The following MZT1 variants were observed in gnomAD, a reference collection of about 807,000 sequenced individuals.
The protein encoded by MZT1 is mitotic spindle organizing protein 1.
Under a neutral mutation model 8.5 loss-of-function variants are expected in MZT1, and 8 were observed. That is an observed-to-expected ratio of 0.94 (90% CI 0.55 to 1.70). MZT1 has a LOEUF of 1.70. Among genes scored for constraint, MZT1 ranks in the 40% most tolerant of loss-of-function variants. MZT1 has a pLI of 0.00. For synonymous variants in MZT1, 38 were observed against 42.0 expected, an observed-to-expected ratio of 0.90 and a Z score of 0.37; for missense variants, 93 against 108.6, an observed-to-expected ratio of 0.86 and a Z score of 0.64.
rs193107962 is a variant in MZT1 at position 72,717,775 on chromosome 13, G to A, written c.225+1177C>T. Among the ~76,000 whole-genome samples, 90 of 152,132 alleles carry A rather than the reference G, an allele frequency of 5.9e-4. No homozygotes were observed. In the East Asian group the frequency reaches 9.6e-3, roughly 16 times the overall value. ...ACATTCTGATCCTAATGTTAGTCTC[G>A]AAAAAACTCTGAAGCTTTCTCTACA... On this transcript the variant is annotated intron_variant, in intron 2 of 2. Coordinates refer to ENST00000377818, the MANE Select transcript of MZT1 (RefSeq NM_001071775.3).
chr13:72,726,030 A>C (rs573485801), intron 1 of MZT1, among the ~76,000 whole-genome samples: 48 of 152,160 alleles, frequency 3.2e-4, no homozygotes, highest in Non-Finnish European at 4.6e-4. Context: ...CAAGGTAGAT[A>C]CTGAACAAGT....
chr13:72,723,726 T>C (rs974222174), intron 1 of MZT1, among the ~76,000 whole-genome samples: 3 of 152,262 alleles, frequency 2.0e-5, no homozygotes, highest in African/African-American at 7.2e-5. Flanking sequence ...ATGTATTTTG[T>C]GCCTATTATG....
intron 2 of MZT1, among the ~76,000 whole-genome samples, chr13:72,711,850 T>C (rs2138005837): frequency 6.6e-6 from 1 of 152,252 alleles, no homozygotes; most frequent in South Asian, 2.1e-4. Context: ...TCCCCAACTC[T>C]GTCCCAAATG....
chr13:72,727,002 G>A (rs1015076516), intron 1 of MZT1, among the ~76,000 whole-genome samples: 2 of 152,200 alleles, frequency 1.3e-5, no homozygotes, highest in African/African-American at 2.4e-5. Flanking sequence ...TGACCAAAGG[G>A]GAACTTGTTC....
At chr13:72,726,807 A>C (rs1468408466) in intron 1 of MZT1, among the ~76,000 whole-genome samples, 2 of 150,782 alleles carry the variant, frequency 1.3e-5, no homozygotes, top group African/African-American at 2.4e-5. Flanking sequence ...CAAGCTCACC[A>C]CAGGGGCATA....
At chr13:72,715,854 G>A (rs2032530202) in intron 2 of MZT1, among the ~76,000 whole-genome samples, 1 of 152,016 alleles carries the variant, frequency 6.6e-6, no homozygotes, top group African/African-American at 2.4e-5. Flanking sequence ...TTTCTATACA[G>A]CCTGCAGAAC....
chr13:72,709,190 A>C lies in MZT1; in HGVS notation c.*1132T>G, dbSNP rs2032462731. 6.6e-6 allele frequency: 1 copy of C among 151,998 alleles called. No homozygotes were observed. Among genetic ancestry groups the C allele is most frequent in the African/African-American group, 2.4e-5 (1 of 41,460 alleles). The allele number at this position is 151,998 out of a possible 1,614,324, so 9.4% of individuals were successfully genotyped here. On this transcript the variant is annotated 3_prime_UTR_variant, in exon 3 of 3. Transcript: ENST00000377818. ...AATCCTTGACATCAAGATGTTAAAAAGGTTTTTTAAAAAAAGCCATACTTG... is the reference window on the plus strand; with the variant it reads ...AATCCTTGACATCAAGATGTTAAAACGGTTTTTTAAAAAAAGCCATACTTG...
Position 72,727,604 on chromosome 13 carries a change from G to A in MZT1, c.-2C>T. 1.9e-6 allele frequency: 3 copies of A among 1,595,192 alleles called. No homozygotes were observed. The highest frequency in any genetic ancestry group is 1.1e-5 in the South Asian group (1 of 89,192). ...CCCAGCACCGCTGCTACTCGCCATG[G>A]CTAAGGCCGAGGGAGGCGGGAGAAG... On this transcript the variant is annotated 5_prime_UTR_variant, in exon 1 of 3. Coordinates refer to ENST00000377818, the MANE Select transcript of MZT1 (RefSeq NM_001071775.3).
chr13:72,716,657 G>T (rs1448421063), intron 2 of MZT1, among the ~76,000 whole-genome samples: 2 of 152,150 alleles, frequency 1.3e-5, no homozygotes, highest in Non-Finnish European at 2.9e-5. Flanking sequence ...CAAGTTTTAA[G>T]ATGAACTAAC....
At chr13:72,713,902 G>A (rs1475034502) in intron 2 of MZT1, among the ~76,000 whole-genome samples, 1 of 152,142 alleles carries the variant, frequency 6.6e-6, no homozygotes, top group African/African-American at 2.4e-5. Flanking sequence ...TAGAACATAC[G>A]GTCTGGCATG....
At chr13:72,723,474 C>T (rs2032609365) in intron 1 of MZT1, among the ~76,000 whole-genome samples, 2 of 152,160 alleles carry the variant, frequency 1.3e-5, no homozygotes, top group Admixed American at 6.5e-5. Context: ...TATAATGGAT[C>T]AAAGTCAAAA....
chr13:72,724,752 A>ATCTGTGTGTG (rs1180726488), intron 1 of MZT1, among the ~76,000 whole-genome samples: 1 of 56,892 alleles, frequency 1.8e-5, no homozygotes, highest in Non-Finnish European at 3.7e-5. Context: ...ACATATATAT[A>ATCTGTGTGTG]TGTAAAGTGG....
intron 2 of MZT1, among the ~76,000 whole-genome samples, chr13:72,717,363 G>A (rs1433387866): frequency 6.9e-6 from 1 of 144,034 alleles, no homozygotes; most frequent in Admixed American, 7.0e-5. Flanking sequence ...TTTTTAGATG[G>A]AGTTTCGCTC....
At chr13:72,718,573 G>C (rs183698376) in intron 2 of MZT1, among the ~76,000 whole-genome samples, 334 of 152,094 alleles carry the variant, frequency 2.2e-3, no homozygotes, top group Non-Finnish European at 4.1e-3. Flanking sequence ...CGCCTCCTGG[G>C]TTCACGCCAT....
At chr13:72,718,902 T>C (rs779028023) in intron 2 of MZT1, 50 bp downstream of exon 2, 9 of 1,496,072 alleles carry the variant, frequency 6.0e-6, no homozygotes, top group Non-Finnish European at 8.0e-6. Context: ...TTAATCATTT[T>C]TCTAAATAAA....
chr13:72,710,284 C>T lies in MZT1; in HGVS notation c.*38G>A. 6.2e-7 allele frequency: 1 copy of T among 1,608,774 alleles called. No individual in the cohort carries two copies. The highest frequency in any genetic ancestry group is 2.2e-5 in the East Asian group (1 of 44,752). On this transcript the variant is annotated 3_prime_UTR_variant, in exon 3 of 3. Transcript: ENST00000377818. ...ACAATGCAATCTTCAAACCCTCTTG[C>T]AGAGCTTGACATATCTCATCAGAAT... is the stretch of plus-strand genomic sequence containing the variant.
chr13:72,713,509 G>A (rs1203387552), intron 2 of MZT1, among the ~76,000 whole-genome samples: 1 of 152,108 alleles, frequency 6.6e-6, no homozygotes, highest in Non-Finnish European at 1.5e-5. Flanking sequence ...CTCTGGATTC[G>A]TTGTGATACC....
rs1593801072 is a variant in MZT1 at position 72,727,280 on chromosome 13, G to C, written c.79+244C>G. On this transcript the variant is annotated intron_variant, in intron 1 of 2. Coordinates refer to ENST00000377818, the MANE Select transcript of MZT1 (RefSeq NM_001071775.3). ...CGCGGCATTCGCGCGAGAGGGACGC[G>C]GTGCGCAACCGGCTGACTAGGGGCC... Among the ~76,000 whole-genome samples the C allele has an allele frequency of 2.0e-5, 3 of 152,324 alleles. No individual in the cohort carries two copies. In the East Asian group the frequency reaches 5.8e-4, roughly 29 times the overall value.
chr13:72,725,353 T>G (rs1168205231), intron 1 of MZT1, among the ~76,000 whole-genome samples: 2 of 152,086 alleles, frequency 1.3e-5, no homozygotes, highest in Non-Finnish European at 1.5e-5. Context: ...GAGATAGTTC[T>G]TTTCAGAGTG....
Sources: allele counts gnomAD v4.1 joint callset (sites outside exome capture counted in the v4.1 genomes callset), GRCh38; gene constraint gnomAD v4.1.1; transcripts MANE v1.5; gene names NCBI Gene and HGNC (gene_info 2026-07-23, HGNC 2026-07-21).